Variants in NHERF2 observed in about 807,000 individuals in gnomAD.
NHERF2 encodes NHERF family PDZ scaffold protein 2.
the NHERF2 span, chr16:2,037,043 T>C: frequency 1.3e-6 from 2 of 1,541,284 alleles, no homozygotes; most frequent in Non-Finnish European, 1.8e-6. Context: ...CCTCTGGGGG[T>C]ACCCAGGCCC....
the NHERF2 span, chr16:2,036,332 T>C: frequency 2.5e-6 from 4 of 1,607,794 alleles, no homozygotes; most frequent in African/African-American, 1.3e-5. Flanking sequence ...AGGATGTCAG[T>C]GGGCCCCTGA....
chr16:2,027,965 T>TG, the NHERF2 span, among the ~76,000 whole-genome samples: 4 of 152,350 alleles, frequency 2.6e-5, no homozygotes, highest in South Asian at 8.3e-4. Flanking sequence ...CTAGCCTGGC[T>TG]GGGGTTACTG....
At chr16:2,027,511 T>C in the NHERF2 span, among the ~76,000 whole-genome samples, 1 of 152,260 alleles carries the variant, frequency 6.6e-6, no homozygotes. Flanking sequence ...TTGGGCCGCC[T>C]GGAGCCCCTC....
At chr16:2,036,309 C>T in the NHERF2 span, 2 of 1,597,204 alleles carry the variant, frequency 1.3e-6, no homozygotes, top group South Asian at 1.1e-5. Context: ...CTGACCCTGT[C>T]CGTTGGGCCT....
the NHERF2 span, among the ~76,000 whole-genome samples, chr16:2,037,188 CCTGGGGTCGGGGCCA>C: frequency 1.3e-5 from 2 of 152,200 alleles, no homozygotes; most frequent in East Asian, 3.9e-4. Context: ...ACGTGGGGCC[CCTGGGGTCGGGGCCA>C]CTGCCTTCTG....
chr16:2,036,926 G>C, the NHERF2 span: 13 of 1,577,480 alleles, frequency 8.2e-6, no homozygotes, highest in Non-Finnish European at 1.1e-5. Flanking sequence ...TGTGGTGGCT[G>C]AGCAGCCACT....
the NHERF2 span, chr16:2,036,505 TACCGGCCCACC>T: frequency 1.9e-6 from 3 of 1,581,046 alleles, no homozygotes. Flanking sequence ...CTCATTGAGG[TACCGGCCCACC>T]AGGGCTGCGG....
At chr16:2,036,921 T>C in the NHERF2 span, 2 of 1,580,942 alleles carry the variant, frequency 1.3e-6, no homozygotes, top group Non-Finnish European at 1.7e-6. Flanking sequence ...TGCGGTGTGG[T>C]GGCTGAGCAG....
the NHERF2 span, chr16:2,037,723 C>T: frequency 6.5e-7 from 1 of 1,550,368 alleles, no homozygotes; most frequent in South Asian, 1.2e-5. Flanking sequence ...TGAGCCCCAG[C>T]CCCAGCAGGC....
At chr16:2,030,004 G>C in the NHERF2 span, among the ~76,000 whole-genome samples, 1 of 152,200 alleles carries the variant, frequency 6.6e-6, no homozygotes, top group Non-Finnish European at 1.5e-5. Flanking sequence ...AGCCTGGCCT[G>C]TTCCTCTTCT....
At chr16:2,036,005 A>G in the NHERF2 span, 3 of 347,292 alleles carry the variant, frequency 8.6e-6, no homozygotes, top group Middle Eastern at 1.6e-3. Context: ...CAACGGCGAC[A>G]GTTCATCCCA....
the NHERF2 span, chr16:2,033,310 C>T: frequency 6.5e-7 from 1 of 1,532,870 alleles, no homozygotes; most frequent in Non-Finnish European, 8.7e-7. Context: ...TTCAGGCCAC[C>T]CCGGCCGGAC....
At chr16:2,033,779 C>T in the NHERF2 span, among the ~76,000 whole-genome samples, 1 of 152,124 alleles carries the variant, frequency 6.6e-6, no homozygotes, top group Non-Finnish European at 1.5e-5. Context: ...GGAATGTGAG[C>T]TATGAACGCC....
the NHERF2 span, among the ~76,000 whole-genome samples, chr16:2,028,607 C>T: frequency 6.6e-6 from 1 of 152,166 alleles, no homozygotes; most frequent in African/African-American, 2.4e-5. Context: ...AGCAGCTGGG[C>T]ACTGGGTTCC....
chr16:2,027,784 C>T, the NHERF2 span, among the ~76,000 whole-genome samples: 1 of 152,152 alleles, frequency 6.6e-6, no homozygotes, highest in African/African-American at 2.4e-5. Flanking sequence ...GAGCTGGGCT[C>T]TGTGTGTGTG....
At chr16:2,038,231 G>GAGAGAGAGACAC in the NHERF2 span, 18 of 590,184 alleles carry the variant, frequency 3.0e-5, no homozygotes, top group Non-Finnish European at 4.2e-5. Flanking sequence ...CAGAGAGAGA[G>GAGAGAGAGACAC]AGAGAGAGAC....
At chr16:2,031,140 G>C in the NHERF2 span, among the ~76,000 whole-genome samples, 1 of 152,208 alleles carries the variant, frequency 6.6e-6, no homozygotes, top group Non-Finnish European at 1.5e-5. Context: ...GCTGAGCCCG[G>C]GGGGAGCGGC....
At chr16:2,035,630 G>A in the NHERF2 span, 2 of 986,376 alleles carry the variant, frequency 2.0e-6, no homozygotes, top group South Asian at 9.4e-5. Context: ...CTGGGAGGTG[G>A]TCATTGGGCC....
the NHERF2 span, chr16:2,035,640 C>G: frequency 1.0e-6 from 1 of 986,110 alleles, no homozygotes; most frequent in Non-Finnish European, 1.2e-6. Context: ...GTCATTGGGC[C>G]TGGCCTTGCC....
Sources: allele counts gnomAD v4.1 joint callset (sites outside exome capture counted in the v4.1 genomes callset), GRCh38; gene constraint gnomAD v4.1.1; transcripts MANE v1.5; gene names NCBI Gene and HGNC (gene_info 2026-07-23, HGNC 2026-07-21).